The following SESTD1 variants were observed in gnomAD, a reference collection of about 807,000 sequenced individuals.
The protein encoded by SESTD1 is SEC14 domain and spectrin repeat-containing protein 1.
Under a neutral mutation model 101.7 loss-of-function variants are expected in SESTD1, and 43 were observed. That is an observed-to-expected ratio of 0.42 (90% confidence interval 0.33 to 0.55). The LOEUF (loss-of-function observed/expected upper bound fraction) is 0.55, where lower values mean the gene tolerates loss of function less well. SESTD1 is among the 20% of genes least tolerant of loss of function. The probability of loss-of-function intolerance (pLI) is 0.07; values close to 1 mark genes in which losing one functional copy is unlikely to be tolerated. For missense variants in SESTD1, 647 were observed against 815.1 expected (o/e 0.79, Z 2.51); for synonymous variants, 283 against 286.8 (o/e 0.99, Z 0.13).
chr2:179,159,187 T>C (rs184729939), intron 5 of SESTD1, among the ~76,000 whole-genome samples: 101 of 152,344 alleles, frequency 6.6e-4, no homozygotes, highest in African/African-American at 2.3e-3. Context: ...GATCAGCATG[T>C]GTAAGAGGAA....
chr2:179,249,227 A>AAAG (rs1553533721), intron 1 of SESTD1, among the ~76,000 whole-genome samples: 16 of 151,426 alleles, frequency 1.1e-4, no homozygotes, highest in African/African-American at 2.2e-4. Context: ...AAAAAAAAAA[A>AAAG]AAGAAGACTA....
At chr2:179,163,462 T>A (rs1303836720) in intron 5 of SESTD1, among the ~76,000 whole-genome samples, 2 of 151,880 alleles carry the variant, frequency 1.3e-5, no homozygotes, top group African/African-American at 4.8e-5. Context: ...ATCATTTTAC[T>A]AAGCAGAAAT....
In SESTD1 at chr2:179,202,764, T is replaced by C. The variant is rs1172032946; in HGVS notation, c.-25-10898A>G. On this transcript the variant is annotated intron_variant, in intron 1 of 17. Transcript: ENST00000428443. ...AATGGAATCATTCTCTCCCCAAAGA[T>C]GCCTGCTACCTTCACGAATCTCTCC... 1.5e-5 allele frequency among the ~76,000 whole-genome samples: 2 copies of C among 135,434 alleles called. 1 individual carries two copies. The highest frequency in any genetic ancestry group is 5.8e-5 in the African/African-American group (2 of 34,292). The allele number at this position is 135,434 out of a possible 152,430, so 88.8% of individuals were successfully genotyped here.
intron 9 of SESTD1, among the ~76,000 whole-genome samples, chr2:179,134,486 C>CTA (rs1449829787): frequency 2.0e-5 from 3 of 152,178 alleles, no homozygotes; most frequent in African/African-American, 7.2e-5. Context: ...CCTCAAATAA[C>CTA]TATTGTACCT....
intron 1 of SESTD1, among the ~76,000 whole-genome samples, chr2:179,237,825 T>C (rs968909565): frequency 6.6e-6 from 1 of 152,118 alleles, no homozygotes; most frequent in Non-Finnish European, 1.5e-5. Flanking sequence ...TCTTTATCTC[T>C]TGCCAGAATA....
intron 9 of SESTD1, among the ~76,000 whole-genome samples, chr2:179,133,365 T>C (rs542616193): frequency 1.3e-5 from 2 of 152,178 alleles, no homozygotes; most frequent in Non-Finnish European, 1.5e-5. Context: ...ATAAGCAATA[T>C]TGCCTAGTAA....
At chr2:179,150,150 A>G (rs2045487047) in intron 6 of SESTD1, among the ~76,000 whole-genome samples, 1 of 152,174 alleles carries the variant, frequency 6.6e-6, no homozygotes, top group Admixed American at 6.5e-5. Flanking sequence ...GCTTGAGCCC[A>G]GAAGTTAAAG....
At chr2:179,199,786 G>A (rs2046474452) in intron 1 of SESTD1, among the ~76,000 whole-genome samples, 1 of 152,128 alleles carries the variant, frequency 6.6e-6, no homozygotes. Flanking sequence ...CAATAAATTA[G>A]GTATTGATGG....
intron 13 of SESTD1, among the ~76,000 whole-genome samples, chr2:179,119,544 C>T (rs1213861989): frequency 1.3e-5 from 2 of 152,130 alleles, no homozygotes; most frequent in African/African-American, 2.4e-5. Flanking sequence ...GATGCCTCCC[C>T]TTCCACCACG....
chr2:179,176,932 A>T (rs1844763), intron 3 of SESTD1, among the ~76,000 whole-genome samples: 97,462 of 152,112 alleles, frequency 0.64, 32,458 homozygotes, highest in South Asian at 0.81. Flanking sequence ...TGTCTCACCT[A>T]CCTGCCAGAA....
At chr2:179,182,209 T>A (rs2046125397) in intron 3 of SESTD1, among the ~76,000 whole-genome samples, 1 of 152,102 alleles carries the variant, frequency 6.6e-6, no homozygotes, top group Non-Finnish European at 1.5e-5. Flanking sequence ...TTAAGAGCAG[T>A]ATATGAGATA....
chr2:179,106,869 C>T lies in SESTD1; in HGVS notation c.*3030G>A, dbSNP rs1257269851. ...TTTTGCATAACTCTGCTGGGTTAGA[C>T]ATGTGCGAAGAACAGATGCCAAACT... On this transcript the variant is annotated 3_prime_UTR_variant, in exon 18 of 18. Transcript: ENST00000428443. 1 of 151,830 alleles carries T rather than the reference C, an allele frequency of 6.6e-6. No homozygotes were observed. Among genetic ancestry groups the T allele is most frequent in the African/African-American group, 2.4e-5 (1 of 41,306 alleles). The allele number at this position is 151,830 out of a possible 1,614,324, so 9.4% of individuals were successfully genotyped here. A position where few individuals can be genotyped will look rare whatever the true frequency, so the allele number is the denominator to read the frequency against.
At chr2:179,256,976 T>A (rs1052412049) in intron 1 of SESTD1, among the ~76,000 whole-genome samples, 1 of 152,124 alleles carries the variant, frequency 6.6e-6, no homozygotes, top group African/African-American at 2.4e-5. Flanking sequence ...GATAAAGCAG[T>A]GGCAGGGTTT....
At chr2:179,162,990 C>CA (rs1219244701) in intron 5 of SESTD1, among the ~76,000 whole-genome samples, 6,845 of 88,620 alleles carry the variant, frequency 0.077, 188 homozygotes, top group Middle Eastern at 0.09. Flanking sequence ...GACTCCGTCT[C>CA]AAAAAAAAAA....
intron 8 of SESTD1, among the ~76,000 whole-genome samples, chr2:179,146,055 A>G (rs1042198315): frequency 6.8e-6 from 1 of 147,002 alleles, no homozygotes; most frequent in Non-Finnish European, 1.5e-5. Flanking sequence ...GCAGGCCAGC[A>G]AGCATTACTA....
In SESTD1 at chr2:179,124,706, A is replaced by C. The variant is rs560243840; in HGVS notation, c.973-148T>G. On this transcript the variant is annotated intron_variant, in intron 10 of 17. Coordinates refer to ENST00000428443, the MANE Select transcript of SESTD1 (RefSeq NM_178123.5). The stretch of plus-strand genomic sequence containing the variant: ...TAAAATTGAGGGTGGAAAGTTCCTA[A>C]TCCTGTGATCCCTGGAACTCAATCC... The C allele has an allele frequency of 1.2e-5, 8 of 653,448 alleles. No individual in the cohort carries two copies. The Admixed American group carries it at 2.3e-4, about 19-fold the overall frequency. The allele number at this position is 653,448 out of a possible 1,614,324, so 40.5% of individuals were successfully genotyped here.
chr2:179,106,445 C>G lies in SESTD1; in HGVS notation c.*3454G>C, dbSNP rs1451758341. Reference sequence around the variant, plus strand: ...TCTGAACTATTTCTTCAAATGTAGACCATAGATTCAGCTAACTTCATAATC... The same window carrying G: ...TCTGAACTATTTCTTCAAATGTAGAGCATAGATTCAGCTAACTTCATAATC... On this transcript the variant is annotated 3_prime_UTR_variant, in exon 18 of 18. Coordinates refer to ENST00000428443, the MANE Select transcript of SESTD1 (RefSeq NM_178123.5). 2 of 152,098 alleles carry G rather than the reference C, an allele frequency of 1.3e-5. No individual in the cohort carries two copies. The highest frequency in any genetic ancestry group is 2.9e-5 in the Non-Finnish European group (2 of 68,020). The allele number at this position is 152,098 out of a possible 1,614,324, so 9.4% of individuals were successfully genotyped here.
At chr2:179,172,081 A>G (rs374757880) in intron 5 of SESTD1, 39 bp downstream of exon 5, 109 of 1,289,080 alleles carry the variant, frequency 8.5e-5, no homozygotes, top group Non-Finnish European at 1.2e-4. Context: ...TACTATTTTT[A>G]AAGATATAAT....
chr2:179,149,201 C>G (rs1204121965), intron 7 of SESTD1, 96 bp downstream of exon 7: 1 of 720,764 alleles, frequency 1.4e-6, no homozygotes, highest in Non-Finnish European at 2.2e-6. Context: ...ACTTTGTTTA[C>G]TGTAGTTCTT....
Sources: gnomAD v4.1 joint callset for allele counts (sites outside exome capture counted in the v4.1 genomes callset) on GRCh38, gnomAD v4.1.1 for gene constraint, MANE v1.5 for transcripts, NCBI Gene and HGNC (gene_info 2026-07-23, HGNC 2026-07-21) for gene names.